CNOT10: variants seen among roughly 807,000 people sequenced by gnomAD.
The protein encoded by CNOT10 is CCR4-NOT transcription complex, subunit 10.
Under a neutral mutation model 94.6 loss-of-function variants are expected in CNOT10, and 30 were observed. The ratio of observed to expected loss-of-function variants is 0.32; its 90% CI spans 0.24 to 0.43. The LOEUF is 0.43. Ranked by LOEUF, CNOT10 falls within the 20% of genes least tolerant of loss-of-function variation. The pLI is 1.00. For synonymous variants in CNOT10, 289 were observed against 301.6 expected (o/e 0.96, Z 0.43); for missense variants, 759 against 877.2 (o/e 0.87, Z 1.70).
rs1036959681 is a variant in CNOT10, at chr3:32,705,568, A to G, written c.279+596A>G. Among the ~76,000 whole-genome samples, 4 of 152,194 alleles carry G rather than the reference A, an allele frequency of 2.6e-5. No individual in the cohort carries two copies. In the South Asian group the frequency reaches 6.2e-4, roughly 24 times the overall value. ...TGCAACTTCTCAGCTTGTTCTTCTC[A>G]GTAGCCCTATGAAATAGCTATATAA... On this transcript the variant is annotated intron_variant, in intron 3 of 18. Transcript: ENST00000328834.
Position 32,764,793 on chromosome 3 carries a change from G to A in CNOT10, c.1988G>A (p.Arg663Gln), listed in dbSNP as rs769035378. 28 of 1,614,176 alleles carry A rather than the reference G, an allele frequency of 1.7e-5. No individual in the cohort carries two copies. The highest frequency in any genetic ancestry group is 2.3e-5 in the Non-Finnish European group (27 of 1,180,022). Residue 663 changes from arginine (R) to glutamine (Q), a missense_variant, in exon 17 of 19, where the codon CGA becomes CAA. Around this residue, in one of 3 missense-constraint regions of CNOT10, gnomAD observed 682 missense variants for 799.4 expected, o/e 0.85. Coordinates refer to ENST00000328834, the MANE Select transcript of CNOT10 (RefSeq NM_015442.3). ...CTGAGGAGCGAATATGACAAAGCCCGAAAGTGTCTCCACCAGGTGAGTCCA... is the reference window on the plus strand; with the variant it reads ...CTGAGGAGCGAATATGACAAAGCCCAAAAGTGTCTCCACCAGGTGAGTCCA... ...YCLRSEYDKA[R>Q]KCLHQAASMI...
intron 10 of CNOT10, among the ~76,000 whole-genome samples, chr3:32,732,759 G>A (rs915610795): frequency 6.6e-6 from 1 of 152,142 alleles, no homozygotes; most frequent in African/African-American, 2.4e-5. Flanking sequence ...GACTTAGAAT[G>A]AAGGGGGATC....
chr3:32,754,506 A>ATT (rs1189415995), intron 13 of CNOT10, among the ~76,000 whole-genome samples: 2,111 of 104,342 alleles, frequency 0.02, 184 homozygotes, highest in African/African-American at 0.047. Context: ...ATATATATAT[A>ATT]TATTTATTTT....
chr3:32,710,532 T>G (rs1697838465), intron 4 of CNOT10, among the ~76,000 whole-genome samples: 2 of 151,500 alleles, frequency 1.3e-5, no homozygotes, highest in African/African-American at 4.9e-5. Context: ...ACTCTTGGTG[T>G]TGTATGTTCT....
At chr3:32,706,540 A>G (rs190054821) in intron 3 of CNOT10, among the ~76,000 whole-genome samples, 1 of 152,274 alleles carries the variant, frequency 6.6e-6, no homozygotes, top group Non-Finnish European at 1.5e-5. Context: ...TTTTCAACCT[A>G]TTCCATTTTA....
chr3:32,700,467 T>C (rs1374927274), intron 1 of CNOT10, among the ~76,000 whole-genome samples: 2 of 152,226 alleles, frequency 1.3e-5, no homozygotes, highest in Non-Finnish European at 2.9e-5. Flanking sequence ...AAAAATTGTC[T>C]GTACGTCACT....
intron 13 of CNOT10, among the ~76,000 whole-genome samples, chr3:32,742,353 T>C (rs191816887): frequency 4.5e-4 from 68 of 152,138 alleles, no homozygotes; most frequent in African/African-American, 1.6e-3. Flanking sequence ...TTTCATGTGG[T>C]ATAGCTTTTT....
intron 1 of CNOT10, among the ~76,000 whole-genome samples, chr3:32,693,065 T>C (rs1156422358): frequency 3.9e-5 from 6 of 152,092 alleles, no homozygotes. Flanking sequence ...CAAAAAAGAA[T>C]AGCTTTCCCA....
intron 8 of CNOT10, among the ~76,000 whole-genome samples, chr3:32,722,834 A>G (rs1029416682): frequency 6.6e-6 from 1 of 152,028 alleles, no homozygotes; most frequent in Admixed American, 6.6e-5. Context: ...AAATACAAAA[A>G]TTAGCCAGGC....
At chr3:32,710,979 A>G (rs562657904) in intron 4 of CNOT10, among the ~76,000 whole-genome samples, 3 of 152,150 alleles carry the variant, frequency 2.0e-5, no homozygotes, top group East Asian at 1.9e-4. Context: ...TGGCTTCCCA[A>G]TGTGCTGGGA....
chr3:32,710,906 G>A (rs1248256444), intron 4 of CNOT10, among the ~76,000 whole-genome samples: 1 of 152,110 alleles, frequency 6.6e-6, no homozygotes, highest in Non-Finnish European at 1.5e-5. Context: ...TTGTTTTGCA[G>A]AGACTGGGTT....
intron 10 of CNOT10, among the ~76,000 whole-genome samples, chr3:32,732,364 T>C (rs1385265893): frequency 6.6e-6 from 1 of 151,636 alleles, no homozygotes; most frequent in Non-Finnish European, 1.5e-5. Context: ...CACCCAAGCC[T>C]AAAGAAAAAT....
intron 3 of CNOT10, 92 bp from the exon 4 acceptor site, chr3:32,708,578 G>T: frequency 1.9e-6 from 2 of 1,031,490 alleles, no homozygotes; most frequent in South Asian, 3.1e-5. Context: ...TAAGAATGTT[G>T]GCCTATGTTC....
chr3:32,762,444 A>T (rs1197497277), intron 14 of CNOT10, among the ~76,000 whole-genome samples: 1 of 151,004 alleles, frequency 6.6e-6, no homozygotes, highest in Non-Finnish European at 1.5e-5. Flanking sequence ...TAATTTTTGT[A>T]TTTTTTTTGT....
At chr3:32,735,187 A>G (rs1434430524) in intron 12 of CNOT10, among the ~76,000 whole-genome samples, 2 of 152,218 alleles carry the variant, frequency 1.3e-5, no homozygotes, top group African/African-American at 2.4e-5. Context: ...TTGAAAAAGA[A>G]AAGTAGAAAG....
chr3:32,698,669 T>C (rs946563770), intron 1 of CNOT10, among the ~76,000 whole-genome samples: 4 of 152,218 alleles, frequency 2.6e-5, no homozygotes, highest in African/African-American at 9.6e-5. Context: ...CTAAGACTTG[T>C]GCTCTTTTAA....
At chr3:32,727,619 C>T (rs1042218888) in intron 9 of CNOT10, 49 bp from the exon 10 acceptor site, 3 of 1,197,732 alleles carry the variant, frequency 2.5e-6, no homozygotes, top group Non-Finnish European at 2.5e-6. Context: ...TTCAAGGTTA[C>T]TATTACTGTA....
At chr3:32,689,078 GCCTGTGGCTCCCA>G (rs966406491) in intron 1 of CNOT10, among the ~76,000 whole-genome samples, 4 of 151,510 alleles carry the variant, frequency 2.6e-5, no homozygotes, top group African/African-American at 9.7e-5. Flanking sequence ...GCTGGCGGGT[GCCTGTGGCTCCCA>G]CCTGTAATCC....
At position 32,769,191 on chromosome 3, in the gene CNOT10, A is replaced by G. The variant is rs551522412; in HGVS notation, c.2005-696A>G. ...AGCTGTCTGGAAGCAATGAGCAACT[A>G]AAACTAGATGGGGAAGTACAAGTTG... On this transcript the variant is annotated intron_variant, in intron 17 of 18. Transcript: ENST00000328834. 3.3e-5 allele frequency: 5 copies of G among 152,426 alleles called. No individual in the cohort carries two copies. In the East Asian group the frequency reaches 9.6e-4, roughly 29 times the overall value. The allele number at this position is 152,426 out of a possible 1,614,324, so 9.4% of individuals were successfully genotyped here.
Sources: allele counts gnomAD v4.1 joint callset (sites outside exome capture counted in the v4.1 genomes callset), GRCh38; gene constraint gnomAD v4.1.1; regional missense constraint gnomAD v4.1.1; transcripts MANE v1.5; gene names NCBI Gene and HGNC (gene_info 2026-07-23, HGNC 2026-07-21).